The following PLCB4 variants were observed in gnomAD, a reference collection of about 807,000 sequenced individuals.
PLCB4 encodes the protein phospholipase C beta 4, also known as 1-phosphatidylinositol 4,5-bisphosphate phosphodiesterase beta-4.
Under a neutral mutation model 178.8 loss-of-function variants are expected in PLCB4, and 77 were observed. The ratio of observed to expected loss-of-function variants is 0.43; its 90% CI spans 0.36 to 0.52. The LOEUF (loss-of-function observed/expected upper bound fraction) is 0.52, where lower values mean the gene tolerates loss of function less well. PLCB4 is among the 20% of genes least tolerant of loss of function. The probability of loss-of-function intolerance (pLI) is 0.00; values close to 1 mark genes in which losing one functional copy is unlikely to be tolerated. For synonymous variants in PLCB4, 496 were observed against 490.8 expected, an observed-to-expected ratio of 1.01 and a Z score of -0.14; for missense variants, 1,024 against 1,453.4, an observed-to-expected ratio of 0.70 and a Z score of 4.80.
At chr20:9,426,192 AGAT>A (rs1360288408) in intron 28 of PLCB4, among the ~76,000 whole-genome samples, 2 of 152,214 alleles carry the variant, frequency 1.3e-5, no homozygotes, top group Non-Finnish European at 2.9e-5. Context: ...AGCTAAAGAA[AGAT>A]AGTGTGGATT....
chr20:9,468,422 A>G, intron 35 of PLCB4, 149 bp from the exon 36 acceptor site: 2 of 611,880 alleles, frequency 3.3e-6, no homozygotes, highest in Non-Finnish European at 5.9e-6. Context: ...CATTAAGTGC[A>G]TGACATTAAG....
chr20:9,347,570 A>G (rs1289510653), intron 7 of PLCB4, among the ~76,000 whole-genome samples: 1 of 152,096 alleles, frequency 6.6e-6, no homozygotes, highest in African/African-American at 2.4e-5. Context: ...TATTTTTTTG[A>G]TGAAACCTGA....
chr20:9,337,563 T>G (rs769414533), intron 5 of PLCB4, among the ~76,000 whole-genome samples: 11 of 152,186 alleles, frequency 7.2e-5, no homozygotes, highest in Non-Finnish European at 1.5e-4. Flanking sequence ...ATTAAAAGTG[T>G]GTTCATCTCA....
chr20:9,185,185 G>A (rs534553445), intron 2 of PLCB4, among the ~76,000 whole-genome samples: 1 of 152,288 alleles, frequency 6.6e-6, no homozygotes, highest in East Asian at 1.9e-4. Context: ...TTATAGGTGA[G>A]AGCTACCACG....
intron 19 of PLCB4, among the ~76,000 whole-genome samples, chr20:9,400,632 T>C (rs1230445530): frequency 6.6e-6 from 1 of 152,216 alleles, no homozygotes; most frequent in East Asian, 1.9e-4. Context: ...CTGATGTCTG[T>C]GGGTTTCTCC....
chr20:9,150,013 C>T (rs1292946960), intron 2 of PLCB4, among the ~76,000 whole-genome samples: 1 of 152,186 alleles, frequency 6.6e-6, no homozygotes, highest in African/African-American at 2.4e-5. Flanking sequence ...ACAGCTTCCT[C>T]CAGCTGAGGG....
chr20:9,365,772 A>G (rs2035723835), intron 9 of PLCB4, among the ~76,000 whole-genome samples: 1 of 152,194 alleles, frequency 6.6e-6, no homozygotes, highest in Non-Finnish European at 1.5e-5. Context: ...ATGTAGAACT[A>G]TTTTTTAAAA....
At chr20:9,204,704 C>G (rs920541603) in intron 2 of PLCB4, among the ~76,000 whole-genome samples, 3 of 151,996 alleles carry the variant, frequency 2.0e-5, no homozygotes, top group Non-Finnish European at 4.4e-5. Flanking sequence ...TAAGAAATGT[C>G]TAAGAAGTAA....
chr20:9,187,923 T>C (rs990178509), intron 2 of PLCB4, among the ~76,000 whole-genome samples: 1 of 152,218 alleles, frequency 6.6e-6, no homozygotes, highest in Non-Finnish European at 1.5e-5. Context: ...CTCTCAGTTT[T>C]AATACAAAAT....
At chr20:9,077,276 C>T (rs550586665) in intron 1 of PLCB4, among the ~76,000 whole-genome samples, 1 of 152,264 alleles carries the variant, frequency 6.6e-6, no homozygotes, top group African/African-American at 2.4e-5. Context: ...TCTTTGTGCA[C>T]ATGTGTGAGA....
chr20:9,136,323 A>C (rs2092382268), intron 2 of PLCB4, among the ~76,000 whole-genome samples: 1 of 152,090 alleles, frequency 6.6e-6, no homozygotes, highest in Non-Finnish European at 1.5e-5. Flanking sequence ...GAGATAAGGA[A>C]GGAAAGTCAG....
At chr20:9,245,804 T>A (rs1219618121) in intron 3 of PLCB4, among the ~76,000 whole-genome samples, 1 of 152,002 alleles carries the variant, frequency 6.6e-6, no homozygotes, top group Non-Finnish European at 1.5e-5. Context: ...CTGCTAATTT[T>A]TGTATTTTTA....
intron 5 of PLCB4, among the ~76,000 whole-genome samples, 175 bp downstream of exon 5, chr20:9,337,381 T>C (rs1310687836): frequency 1.3e-5 from 2 of 152,202 alleles, no homozygotes; most frequent in Non-Finnish European, 2.9e-5. Context: ...ATTAAGGACA[T>C]TATCCTCATA....
At chr20:9,154,738 C>G (rs1442935542) in intron 2 of PLCB4, among the ~76,000 whole-genome samples, 1 of 150,620 alleles carries the variant, frequency 6.6e-6, no homozygotes, top group Non-Finnish European at 1.5e-5. Flanking sequence ...CTCCCTCCCT[C>G]CCTCCTTTCC....
At chr20:9,465,840 G>A (rs141618365) in intron 35 of PLCB4, among the ~76,000 whole-genome samples, 6,931 of 152,198 alleles carry the variant, frequency 0.046, 525 homozygotes, top group African/African-American at 0.16. Context: ...AATCAGTATC[G>A]TGAAAATGCC....
intron 34 of PLCB4, 78 bp from the exon 35 acceptor site, chr20:9,459,557 C>A: frequency 9.7e-7 from 1 of 1,035,560 alleles, no homozygotes; most frequent in Non-Finnish European, 1.4e-6. Flanking sequence ...ACCTGAAATA[C>A]CTGAATAATG....
At chr20:9,200,716 C>A (rs2093532957) in intron 2 of PLCB4, among the ~76,000 whole-genome samples, 1 of 152,078 alleles carries the variant, frequency 6.6e-6, no homozygotes, top group Non-Finnish European at 1.5e-5. Context: ...TTTGCATCTG[C>A]TGGTCCCACT....
At chr20:9,092,824 T>G (rs1192921967) in intron 1 of PLCB4, among the ~76,000 whole-genome samples, 3 of 152,116 alleles carry the variant, frequency 2.0e-5, no homozygotes, top group Non-Finnish European at 4.4e-5. Context: ...TTGGGACTTG[T>G]TTACATCATG....
rs1041912188 is a variant in PLCB4, at chr20:9,083,227, G to A, written c.-134-13060G>A. 1.2e-4 allele frequency among the ~76,000 whole-genome samples: 19 copies of A among 152,266 alleles called. 1 individual carries two copies. The highest frequency in any genetic ancestry group is 7.9e-4 in the Admixed American group (12 of 15,284). ...CAGTTCCTGTCCATTTCCTTCTAGA[G>A]GTGACAGCAGCCTTCTTATTGCAGA... On this transcript the variant is annotated intron_variant, in intron 1 of 39. Transcript: ENST00000378473.
Sources: gnomAD v4.1 joint callset for allele counts (sites outside exome capture counted in the v4.1 genomes callset) on GRCh38, gnomAD v4.1.1 for gene constraint, MANE v1.5 for transcripts, NCBI Gene and HGNC (gene_info 2026-07-23, HGNC 2026-07-21) for gene names.